KCNAB1: variants seen among roughly 807,000 people sequenced by gnomAD.
KCNAB1 encodes the protein voltage-gated potassium channel subunit beta-1.
In KCNAB1, 35 loss-of-function variants were observed where a neutral mutation model predicts 64.6. The observed-to-expected ratio is 0.54, with a 90% CI of 0.41 to 0.72. KCNAB1 has a LOEUF of 0.72. Ranked by LOEUF, KCNAB1 falls within the 30% of genes least tolerant of loss-of-function variation. KCNAB1 has a pLI of 0.00. For missense variants in KCNAB1, 401 were observed against 512.9 expected (o/e 0.78, Z 2.11); for synonymous variants, 177 against 183.8 (o/e 0.96, Z 0.30).
At chr3:156,530,895 C>G (rs912967017) in intron 12 of KCNAB1, among the ~76,000 whole-genome samples, 1 of 152,108 alleles carries the variant, frequency 6.6e-6, no homozygotes, top group Non-Finnish European at 1.5e-5. Flanking sequence ...AGGAATCCAG[C>G]CATCTGCTGG....
chr3:156,249,074 C>G (rs1717648801), intron 1 of KCNAB1, among the ~76,000 whole-genome samples: 1 of 150,706 alleles, frequency 6.6e-6, no homozygotes, highest in Non-Finnish European at 1.5e-5. Context: ...AGCAAGTACT[C>G]AGTTGATTCT....
At chr3:156,483,196 G>C (rs1411823667) in intron 8 of KCNAB1, among the ~76,000 whole-genome samples, 1 of 151,950 alleles carries the variant, frequency 6.6e-6, no homozygotes, top group Admixed American at 6.6e-5. Context: ...GGCTCAGCAA[G>C]GAAAAGATGC....
chr3:156,196,269 T>C (rs1042102125), intron 1 of KCNAB1, among the ~76,000 whole-genome samples: 1 of 152,210 alleles, frequency 6.6e-6, no homozygotes, highest in African/African-American at 2.4e-5. Flanking sequence ...TTCTTTTTGC[T>C]TAGGATTGTC....
chr3:156,354,128 A>G (rs1216869980), intron 1 of KCNAB1, among the ~76,000 whole-genome samples: 3 of 143,630 alleles, frequency 2.1e-5, no homozygotes, highest in African/African-American at 7.9e-5. Flanking sequence ...GTGTATATAT[A>G]TATATATATA....
rs987309401 is a variant in KCNAB1, at chr3:156,415,351, C to T, written c.276-6265C>T. Among the ~76,000 whole-genome samples, 12 of 152,134 alleles carry T rather than the reference C, an allele frequency of 7.9e-5. 1 individual carries two copies. The highest frequency in any genetic ancestry group is 4.1e-4 in the South Asian group (2 of 4,830). ...CTTAACTGTCAACAAAAGTAGTGTG[C>T]GATGATTACCTCCATTTATGAATGA... is the stretch of plus-strand genomic sequence containing the variant. On this transcript the variant is annotated intron_variant, in intron 1 of 13. Coordinates refer to ENST00000490337, the MANE Select transcript of KCNAB1 (RefSeq NM_172160.3).
chr3:156,228,459 CAT>C (rs1210467109), intron 1 of KCNAB1, among the ~76,000 whole-genome samples: 19 of 152,202 alleles, frequency 1.2e-4, no homozygotes, highest in African/African-American at 4.6e-4. Flanking sequence ...AAATGCATCT[CAT>C]GTGTGGTCGA....
intron 1 of KCNAB1, among the ~76,000 whole-genome samples, chr3:156,255,548 C>G (rs1479531895): frequency 6.6e-6 from 1 of 152,204 alleles, no homozygotes; most frequent in Non-Finnish European, 1.5e-5. Context: ...CTCTTACACT[C>G]TCTTTTACCA....
intron 1 of KCNAB1, among the ~76,000 whole-genome samples, chr3:156,238,232 C>A (rs1716958677): frequency 6.6e-6 from 1 of 152,062 alleles, no homozygotes; most frequent in Non-Finnish European, 1.5e-5. Flanking sequence ...AGCATCCTGG[C>A]AAACACGGTG....
intron 1 of KCNAB1, among the ~76,000 whole-genome samples, chr3:156,234,710 G>T (rs1401942787): frequency 6.6e-6 from 1 of 152,164 alleles, no homozygotes; most frequent in Non-Finnish European, 1.5e-5. Context: ...TGAATTTAAA[G>T]TGAGGCTGAT....
At position 156,328,379 on chromosome 3, in the gene KCNAB1, A is replaced by G. The variant is rs184488430; in HGVS notation, c.276-93237A>G. On this transcript the variant is annotated intron_variant, in intron 1 of 13. Transcript: ENST00000490337. Reference sequence around the variant, plus strand: ...ACGTGTCGTTTCTGGGAAAACTACAATGAGATAAACACCTCTTACGGACAC... The same window carrying G: ...ACGTGTCGTTTCTGGGAAAACTACAGTGAGATAAACACCTCTTACGGACAC... Among the ~76,000 whole-genome samples, 151 of 152,222 alleles carry G rather than the reference A, an allele frequency of 9.9e-4. 1 individual carries two copies. The highest frequency in any genetic ancestry group is 3.4e-3 in the African/African-American group (141 of 41,540).
intron 1 of KCNAB1, among the ~76,000 whole-genome samples, chr3:156,333,595 A>G (rs549110273): frequency 1.3e-5 from 2 of 152,326 alleles, no homozygotes; most frequent in Non-Finnish European, 2.9e-5. Flanking sequence ...GTTGTACTGA[A>G]TAGCACAACA....
intron 1 of KCNAB1, among the ~76,000 whole-genome samples, chr3:156,259,636 A>G (rs986638749): frequency 4.6e-5 from 7 of 152,140 alleles, no homozygotes; most frequent in Admixed American, 1.3e-4. Flanking sequence ...CTTTTATGCC[A>G]TTGCCTAGGT....
intron 2 of KCNAB1, among the ~76,000 whole-genome samples, chr3:156,423,695 G>T (rs1715617851): frequency 1.3e-5 from 2 of 152,142 alleles, no homozygotes; most frequent in Admixed American, 6.5e-5. Flanking sequence ...GTTCAGGTGG[G>T]TTTTTGTTTT....
intron 1 of KCNAB1, among the ~76,000 whole-genome samples, chr3:156,341,959 A>T (rs1225085855): frequency 2.0e-5 from 3 of 152,192 alleles, no homozygotes; most frequent in African/African-American, 7.2e-5. Context: ...TTTAAAAAAC[A>T]GTACCAGGAT....
At chr3:156,170,583 A>G (rs1215117945) in intron 1 of KCNAB1, among the ~76,000 whole-genome samples, 1 of 152,218 alleles carries the variant, frequency 6.6e-6, no homozygotes, top group African/African-American at 2.4e-5. Context: ...AATTGGATCC[A>G]AACTTTGCCA....
chr3:156,296,125 C>CA (rs1317582626), intron 1 of KCNAB1, among the ~76,000 whole-genome samples: 1 of 152,190 alleles, frequency 6.6e-6, no homozygotes, highest in Non-Finnish European at 1.5e-5. Context: ...GTACACTCTA[C>CA]AACCATACAT....
intron 1 of KCNAB1, among the ~76,000 whole-genome samples, chr3:156,255,068 C>T (rs1266531817): frequency 4.6e-5 from 7 of 152,190 alleles, no homozygotes; most frequent in Non-Finnish European, 2.9e-5. Context: ...TCCACTCTCA[C>T]TGATTTAGGG....
At chr3:156,278,569 A>AT (rs1329689115) in intron 1 of KCNAB1, among the ~76,000 whole-genome samples, 1 of 152,140 alleles carries the variant, frequency 6.6e-6, no homozygotes, top group Non-Finnish European at 1.5e-5. Context: ...AATTTGTAGT[A>AT]TTTTAGATTT....
intron 1 of KCNAB1, among the ~76,000 whole-genome samples, chr3:156,332,822 A>G (rs1273732318): frequency 1.3e-5 from 2 of 152,222 alleles, no homozygotes; most frequent in African/African-American, 2.4e-5. Context: ...AGTGCTATGT[A>G]TGATCTGAGA....
Sources: allele counts gnomAD v4.1 joint callset (sites outside exome capture counted in the v4.1 genomes callset), GRCh38; gene constraint gnomAD v4.1.1; transcripts MANE v1.5; gene names NCBI Gene and HGNC (gene_info 2026-07-23, HGNC 2026-07-21).